The following NRXN3 variants were observed in gnomAD, a reference collection of about 807,000 sequenced individuals.
NRXN3 encodes the protein neurexin 3, also known as neurexin III.
A neutral mutation model predicts 137.6 loss-of-function variants in NRXN3; 32 were observed. The ratio of observed to expected loss-of-function variants is 0.23; its 90% CI spans 0.18 to 0.31. The LOEUF is 0.31. Ranked by LOEUF, NRXN3 falls within the 10% of genes least tolerant of loss-of-function variation. NRXN3 has a pLI of 1.00. For missense variants in NRXN3, 1,574 were observed against 2,062.5 expected, an observed-to-expected ratio of 0.76 and a Z score of 4.59; for synonymous variants, 798 against 784.5, an observed-to-expected ratio of 1.02 and a Z score of -0.29.
At chr14:79,707,851 G>A (rs1220638295) in intron 19 of NRXN3, among the ~76,000 whole-genome samples, 1 of 152,070 alleles carries the variant, frequency 6.6e-6, no homozygotes, top group Non-Finnish European at 1.5e-5. Context: ...AGGAGAAGAA[G>A]TAAAAGAAAG....
At chr14:78,913,254 C>CT (rs1322025078) in intron 10 of NRXN3, among the ~76,000 whole-genome samples, 2 of 82,186 alleles carry the variant, frequency 2.4e-5, no homozygotes, top group East Asian at 7.9e-4. Flanking sequence ...TCTTTTCTTT[C>CT]TTTCTTTCTT....
chr14:79,043,734 G>A (rs931521067), intron 15 of NRXN3, among the ~76,000 whole-genome samples: 2 of 152,060 alleles, frequency 1.3e-5, no homozygotes, highest in African/African-American at 2.4e-5. Context: ...CCTTACTTGC[G>A]AGAATCTAGT....
chr14:79,790,042 C>T (rs890308837), intron 19 of NRXN3, among the ~76,000 whole-genome samples: 1 of 152,216 alleles, frequency 6.6e-6, no homozygotes, highest in African/African-American at 2.4e-5. Context: ...CTGGGATATG[C>T]TGACTGCTCA....
intron 4 of NRXN3, among the ~76,000 whole-genome samples, chr14:78,628,044 T>A (rs2097484011): frequency 6.6e-6 from 1 of 151,728 alleles, no homozygotes; most frequent in African/African-American, 2.4e-5. Flanking sequence ...ATAGTTGATA[T>A]GGATAATACC....
chr14:79,246,774 C>T (rs2075248521), intron 15 of NRXN3: 1 of 152,074 alleles, frequency 6.6e-6, no homozygotes, highest in Admixed American at 6.6e-5. Flanking sequence ...CTTTTTGAGA[C>T]AACATTTTAA....
In NRXN3 at chr14:79,648,021, G is replaced by A. The variant is rs192376985; in HGVS notation, c.3445-15757G>A. 7.6e-4 allele frequency among the ~76,000 whole-genome samples: 103 copies of A among 135,254 alleles called. 19 individuals are homozygous for A. Among genetic ancestry groups the A allele is most frequent in the Middle Eastern group, 7.7e-3 (2 of 260 alleles). 88.7% of individuals were successfully genotyped at this position (135,254 alleles called of 152,430 possible). On this transcript the variant is annotated intron_variant, in intron 16 of 20. Transcript: ENST00000335750. The stretch of plus-strand genomic sequence containing the variant: ...TAAAAAAACAAAAAAGTTTGCAAGA[G>A]ACAGACAAGTTATTTGAACGGAATG...
intron 3 of NRXN3, chr14:78,282,020 T>C: frequency 2.4e-6 from 1 of 414,962 alleles, no homozygotes; most frequent in Non-Finnish European, 4.9e-6. Flanking sequence ...AGTTTTGAGT[T>C]TGCAGGGTTC....
chr14:79,288,907 G>T (rs1053635809), intron 15 of NRXN3, among the ~76,000 whole-genome samples: 4 of 151,398 alleles, frequency 2.6e-5, no homozygotes, highest in African/African-American at 9.7e-5. Context: ...CTTTTTTTTT[G>T]AATGAATGAA....
intron 16 of NRXN3, among the ~76,000 whole-genome samples, chr14:79,474,450 T>TGGG (rs1195121087): frequency 9.2e-5 from 14 of 152,144 alleles, no homozygotes; most frequent in African/African-American, 3.1e-4. Flanking sequence ...AATTTCTGTT[T>TGGG]CATCTGATCA....
intron 6 of NRXN3, among the ~76,000 whole-genome samples, chr14:78,664,927 T>G (rs61976149): frequency 0.055 from 8,306 of 152,278 alleles, 272 homozygotes; most frequent in Middle Eastern, 0.14. Context: ...TGTTCCAAAG[T>G]TCCAATTTCT....
At chr14:78,214,342 G>A (rs989155392) in intron 1 of NRXN3, among the ~76,000 whole-genome samples, 4 of 152,172 alleles carry the variant, frequency 2.6e-5, no homozygotes, top group African/African-American at 9.7e-5. Context: ...GAGGGCTGGA[G>A]TCCCCTCCTA....
At chr14:78,540,076 A>G (rs970985628) in intron 4 of NRXN3, among the ~76,000 whole-genome samples, 5 of 152,198 alleles carry the variant, frequency 3.3e-5, no homozygotes, top group African/African-American at 9.6e-5. Flanking sequence ...AGAAGAATGT[A>G]TATTCTGTTG....
At chr14:79,469,217 T>G (rs60944318) in intron 16 of NRXN3, among the ~76,000 whole-genome samples, 3,771 of 152,330 alleles carry the variant, frequency 0.025, 74 homozygotes, top group South Asian at 0.063. Flanking sequence ...AGTGTACTAT[T>G]GTTTTATCCA....
intron 16 of NRXN3, among the ~76,000 whole-genome samples, chr14:79,533,146 C>T (rs2097183987): frequency 6.6e-6 from 1 of 152,006 alleles, no homozygotes; most frequent in African/African-American, 2.4e-5. Context: ...ATTAGTTTTT[C>T]AAAATTCTTA....
chr14:79,329,426 C>G (rs1239213368), intron 15 of NRXN3, among the ~76,000 whole-genome samples: 1 of 152,092 alleles, frequency 6.6e-6, no homozygotes, highest in African/African-American at 2.4e-5. Flanking sequence ...AAACCAAGAG[C>G]AGGTGGTACA....
chr14:79,589,022 A>G (rs1419090473), intron 16 of NRXN3, among the ~76,000 whole-genome samples: 2 of 152,202 alleles, frequency 1.3e-5, no homozygotes, highest in Non-Finnish European at 2.9e-5. Context: ...TGGGAGGGCA[A>G]GGCAGGAGGA....
chr14:79,007,623 G>C (rs544418723), intron 15 of NRXN3, among the ~76,000 whole-genome samples: 1 of 151,812 alleles, frequency 6.6e-6, no homozygotes, highest in Admixed American at 6.6e-5. Flanking sequence ...GGCTAACACG[G>C]TGAAACCCCG....
At chr14:79,768,957 C>G (rs1386472330) in intron 19 of NRXN3, among the ~76,000 whole-genome samples, 1 of 150,988 alleles carries the variant, frequency 6.6e-6, no homozygotes, top group Admixed American at 6.6e-5. Flanking sequence ...AACCAAGGCT[C>G]GAGAACTACG....
chr14:79,669,427 T>C (rs750529136), intron 17 of NRXN3, among the ~76,000 whole-genome samples: 7 of 152,136 alleles, frequency 4.6e-5, no homozygotes, highest in Non-Finnish European at 1.0e-4. Flanking sequence ...CTAGTGTATC[T>C]TGAATATTCA....
Sources: gnomAD v4.1 joint callset for allele counts (sites outside exome capture counted in the v4.1 genomes callset) on GRCh38, gnomAD v4.1.1 for gene constraint, MANE v1.5 for transcripts, NCBI Gene and HGNC (gene_info 2026-07-23, HGNC 2026-07-21) for gene names.